The following C2CD5 variants were observed in gnomAD, a reference collection of about 807,000 sequenced individuals.
The protein encoded by C2CD5 is C2 domain-containing protein 5.
C2CD5 carries 109 observed loss-of-function variants against 130.3 expected under a neutral mutation model. The ratio of observed to expected loss-of-function variants is 0.84; its 90% CI spans 0.72 to 0.98. C2CD5 has a LOEUF of 0.98. C2CD5 is among the 50% of genes least tolerant of loss of function. The pLI, the probability that C2CD5 is intolerant of heterozygous loss-of-function variation, is 0.00. For synonymous variants in C2CD5, 454 were observed against 429.2 expected, an observed-to-expected ratio of 1.06 and a Z score of -0.71; for missense variants, 996 against 1,261.8, an observed-to-expected ratio of 0.79 and a Z score of 3.19.
intron 14 of C2CD5, among the ~76,000 whole-genome samples, chr12:22,480,741 A>C (rs895126636): frequency 4.6e-5 from 7 of 152,200 alleles, no homozygotes; most frequent in African/African-American, 1.7e-4. Flanking sequence ...TAGGCATACA[A>C]ATTTTTAGAC....
At chr12:22,502,991 A>T (rs1320393003) in intron 10 of C2CD5, among the ~76,000 whole-genome samples, 1 of 152,218 alleles carries the variant, frequency 6.6e-6, no homozygotes, top group Non-Finnish European at 1.5e-5. Flanking sequence ...GTAATCTAAC[A>T]TTAACTAATC....
rs201859658 is a variant in C2CD5, at chr12:22,523,517, G to A, written c.709C>T (p.Arg237Ter). The change falls in exon 7 of 27, where the codon CGA becomes TGA. Residue 237 changes from arginine to a stop codon, truncating the protein, a stop_gained. Coordinates refer to ENST00000446597, the MANE Select transcript of C2CD5 (RefSeq NM_001286176.2). LOFTEE classifies it high-confidence loss of function. ...DLEGESGLVV[R>*]AIGTACTLDK... ...AGAGTACACGCCGTTCCTATGGCTC[G>A]CACCACTAACCCAGACTCGCCCTCC... 1.2e-5 allele frequency: 20 copies of A among 1,610,350 alleles called. No homozygotes were observed. The highest frequency in any genetic ancestry group is 2.3e-5 in the East Asian group (1 of 44,414).
intron 7 of C2CD5, among the ~76,000 whole-genome samples, chr12:22,522,758 G>A (rs1189760028): frequency 6.6e-6 from 1 of 152,062 alleles, no homozygotes; most frequent in Admixed American, 6.5e-5. Flanking sequence ...ATACTATGTG[G>A]CCATTAATAA....
intron 11 of C2CD5, among the ~76,000 whole-genome samples, chr12:22,493,003 T>C (rs1392962689): frequency 3.3e-5 from 5 of 152,196 alleles, no homozygotes; most frequent in Non-Finnish European, 5.9e-5. Context: ...ATCTCCATTT[T>C]AATGTACAAA....
intron 11 of C2CD5, among the ~76,000 whole-genome samples, 199 bp from the exon 12 acceptor site, chr12:22,490,417 ATTC>A (rs1946190660): frequency 6.6e-6 from 1 of 152,132 alleles, no homozygotes; most frequent in Admixed American, 6.5e-5. Flanking sequence ...GAGGGAAAGA[ATTC>A]TTCATAAATT....
intron 14 of C2CD5, among the ~76,000 whole-genome samples, chr12:22,481,511 C>T (rs1430824252): frequency 1.3e-5 from 2 of 152,176 alleles, no homozygotes; most frequent in Non-Finnish European, 2.9e-5. Context: ...GAGTCCTACA[C>T]TACTTATAGA....
intron 9 of C2CD5, among the ~76,000 whole-genome samples, chr12:22,511,275 C>T (rs1040601670): frequency 1.3e-5 from 2 of 151,462 alleles, no homozygotes; most frequent in African/African-American, 4.9e-5. Flanking sequence ...ATAAGTAGAT[C>T]ATGTCAGTGA....
chr12:22,486,895 A>C (rs541265158), intron 12 of C2CD5, among the ~76,000 whole-genome samples: 4 of 152,338 alleles, frequency 2.6e-5, no homozygotes, highest in Admixed American at 1.3e-4. Flanking sequence ...CTCAGAAATA[A>C]TGCCACGCAT....
At chr12:22,480,830 T>A (rs1031883595) in intron 14 of C2CD5, among the ~76,000 whole-genome samples, 1 of 151,318 alleles carries the variant, frequency 6.6e-6, no homozygotes, top group Non-Finnish European at 1.5e-5. Context: ...AAAGACAGGG[T>A]CTCTCGCTCT....
intron 2 of C2CD5, among the ~76,000 whole-genome samples, chr12:22,536,906 G>C (rs1039644013): frequency 9.2e-5 from 14 of 151,942 alleles, no homozygotes; most frequent in African/African-American, 3.4e-4. Context: ...AAGAATAGAG[G>C]TTCTTGTTTA....
chr12:22,459,882 A>C (rs112148981), intron 22 of C2CD5, among the ~76,000 whole-genome samples: 1 of 152,204 alleles, frequency 6.6e-6, no homozygotes, highest in Non-Finnish European at 1.5e-5. Flanking sequence ...GAAAAGGGTC[A>C]ATGTGTTGGG....
chr12:22,526,703 T>C (rs1048466033), intron 4 of C2CD5, among the ~76,000 whole-genome samples: 1 of 152,050 alleles, frequency 6.6e-6, no homozygotes. Flanking sequence ...AGAAAAAAAT[T>C]AAGTAAATAA....
At chr12:22,485,476 C>A (rs1330067675) in intron 12 of C2CD5, among the ~76,000 whole-genome samples, 2 of 150,950 alleles carry the variant, frequency 1.3e-5, no homozygotes, top group African/African-American at 4.9e-5. Context: ...AGGTACCCCC[C>A]AAAATTAAAA....
rs781679149 is a variant in C2CD5 at position 22,517,968 on chromosome 12, T to C, written c.952+18A>G. The C allele has an allele frequency of 1.9e-6, 3 of 1,571,982 alleles. No individual in the cohort carries two copies. The East Asian group carries it at 6.8e-5, about 36-fold the overall frequency. ...TTTTTAAAAAAGAAAAAATAAAAGGTGGGTGGAAGCGCCTTACCAGTTTTG... is the reference window on the plus strand; with the variant it reads ...TTTTTAAAAAAGAAAAAATAAAAGGCGGGTGGAAGCGCCTTACCAGTTTTG... On this transcript the variant is annotated intron_variant, in intron 8 of 26. Transcript: ENST00000446597.
chr12:22,486,829 A>C (rs1329192581), intron 12 of C2CD5, among the ~76,000 whole-genome samples: 1 of 152,212 alleles, frequency 6.6e-6, no homozygotes, highest in Non-Finnish European at 1.5e-5. Context: ...AAACTGCAGA[A>C]TTAACTTGTG....
chr12:22,508,923 G>A (rs1421321318), intron 9 of C2CD5, among the ~76,000 whole-genome samples: 1 of 145,742 alleles, frequency 6.9e-6, no homozygotes, highest in Non-Finnish European at 1.5e-5. Context: ...AGGCCAGACT[G>A]CGGACTGCAG....
intron 9 of C2CD5, chr12:22,512,676 C>A: frequency 6.7e-7 from 1 of 1,493,128 alleles, no homozygotes; most frequent in Non-Finnish European, 8.9e-7. Flanking sequence ...TGAGGCGATC[C>A]TCCCTTAGCA....
intron 11 of C2CD5, among the ~76,000 whole-genome samples, chr12:22,491,652 T>C (rs1329735053): frequency 6.6e-6 from 1 of 151,998 alleles, no homozygotes; most frequent in Non-Finnish European, 1.5e-5. Flanking sequence ...GGTGGACAGA[T>C]CACGAGGTCA....
At chr12:22,477,495 AAT>A (rs1449325108) in intron 15 of C2CD5, among the ~76,000 whole-genome samples, 3 of 152,162 alleles carry the variant, frequency 2.0e-5, no homozygotes, top group Admixed American at 6.5e-5. Flanking sequence ...TAAAAGCAAT[AAT>A]GTTATACTTT....
Sources: gnomAD v4.1 joint callset for allele counts (sites outside exome capture counted in the v4.1 genomes callset) on GRCh38, gnomAD v4.1.1 for gene constraint, MANE v1.5 for transcripts, NCBI Gene and HGNC (gene_info 2026-07-23, HGNC 2026-07-21) for gene names.